ANKRD44: variants seen among roughly 807,000 people sequenced by gnomAD.
The protein encoded by ANKRD44 is ankyrin repeat domain 44.
A neutral mutation model predicts 116.0 loss-of-function variants in ANKRD44; 35 were observed. That is an observed-to-expected ratio of 0.30 (90% CI 0.23 to 0.40). The LOEUF is 0.40. ANKRD44 is among the 10% of genes least tolerant of loss of function. The pLI is 1.00. For missense variants in ANKRD44, 1,014 were observed against 1,242.6 expected (o/e 0.82, Z 2.77); for synonymous variants, 435 against 461.8 (o/e 0.94, Z 0.74).
intron 1 of ANKRD44, among the ~76,000 whole-genome samples, chr2:197,230,627 G>A (rs1158171830): frequency 1.3e-5 from 2 of 152,152 alleles, no homozygotes; most frequent in Non-Finnish European, 2.9e-5. Flanking sequence ...GAGCAGGAGA[G>A]AGTATCTTAA....
chr2:197,136,344 A>C (rs2079215771), intron 4 of ANKRD44: 1 of 527,468 alleles, frequency 1.9e-6, no homozygotes, highest in Non-Finnish European at 3.4e-6. Context: ...CCTCCTCCCC[A>C]GGCTGAGAAC....
chr2:197,132,462 G>A (rs1487883503), intron 4 of ANKRD44, among the ~76,000 whole-genome samples: 1 of 152,158 alleles, frequency 6.6e-6, no homozygotes, highest in Non-Finnish European at 1.5e-5. Flanking sequence ...AACATACTCA[G>A]GAAATGAACT....
At chr2:196,986,284 G>A (rs13431261), downstream of ANKRD44, among the ~76,000 whole-genome samples, 4,926 of 152,106 alleles carry the variant, frequency 0.032, 253 homozygotes, top group African/African-American at 0.11. Flanking sequence ...GCATAGTGGT[G>A]CACATCTGTA....
At chr2:197,082,950 G>T (rs1201097568) in intron 14 of ANKRD44, among the ~76,000 whole-genome samples, 3 of 152,166 alleles carry the variant, frequency 2.0e-5, no homozygotes, top group Admixed American at 6.5e-5. Context: ...TAGTTTACAT[G>T]TACTAATGCT....
intron 1 of ANKRD44, among the ~76,000 whole-genome samples, chr2:197,306,694 G>T (rs1159248126): frequency 6.6e-6 from 1 of 152,126 alleles, no homozygotes; most frequent in Non-Finnish European, 1.5e-5. Flanking sequence ...CACGTCCCAA[G>T]GCCCCACACT....
At chr2:197,143,340 T>C in intron 3 of ANKRD44, among the ~76,000 whole-genome samples, 1 of 108,026 alleles carries the variant, frequency 9.3e-6, no homozygotes, top group African/African-American at 3.6e-5. Context: ...CCTAATGCTA[T>C]CCCTCCCCCC....
In ANKRD44 at chr2:197,102,409, C is replaced by T. The variant is rs538802228; in HGVS notation, c.986-2479G>A. ...TTTGCCAGATTTCTCTCTGTAGGCA[C>T]GGTGCAATTTTACACTCTAACCAGC... On this transcript the variant is annotated intron_variant, in intron 9 of 27. Coordinates refer to ENST00000282272, the MANE Select transcript of ANKRD44 (RefSeq NM_001195144.2). Among the ~76,000 whole-genome samples, 123 of 152,214 alleles carry T rather than the reference C, an allele frequency of 8.1e-4. 1 individual carries two copies. The highest frequency in any genetic ancestry group is 1.4e-3 in the Non-Finnish European group (94 of 68,018).
chr2:197,037,226 T>A (rs1464695978), intron 16 of ANKRD44, among the ~76,000 whole-genome samples: 1 of 152,232 alleles, frequency 6.6e-6, no homozygotes, highest in Non-Finnish European at 1.5e-5. Context: ...CAAATAAACA[T>A]TACTAGAGAA....
At chr2:197,276,275 C>CAAAAAAAAAAAAAAAAAAAAAAAAAAAA (rs11351342) in intron 1 of ANKRD44, among the ~76,000 whole-genome samples, 1 of 108,064 alleles carries the variant, frequency 9.3e-6, no homozygotes, top group African/African-American at 3.7e-5. Context: ...AACTTGGTCT[C>CAAAAAAAAAAAAAAAAAAAAAAAAAAAA]AAAAAAAAAA....
chr2:197,187,374 C>A (rs1327658227), intron 1 of ANKRD44, among the ~76,000 whole-genome samples: 1 of 152,204 alleles, frequency 6.6e-6, no homozygotes. Context: ...ATGAACACCA[C>A]CCATCACTGA....
intron 1 of ANKRD44, among the ~76,000 whole-genome samples, chr2:197,219,059 G>A (rs547576896): frequency 4.8e-5 from 7 of 147,070 alleles, no homozygotes; most frequent in African/African-American, 1.5e-4. Flanking sequence ...CACCATGCCT[G>A]GCTAAAGTTC....
At chr2:197,275,714 G>A (rs1024060642) in intron 1 of ANKRD44, among the ~76,000 whole-genome samples, 9 of 151,596 alleles carry the variant, frequency 5.9e-5, no homozygotes, top group Non-Finnish European at 8.8e-5. Flanking sequence ...GCTTTTGGTC[G>A]TTACAATGAT....
downstream of ANKRD44, among the ~76,000 whole-genome samples, chr2:196,983,575 G>A (rs1411849984): frequency 1.3e-5 from 2 of 152,142 alleles, no homozygotes; most frequent in Non-Finnish European, 2.9e-5. Context: ...TATAAATAAA[G>A]TTCACGAATT....
At position 197,113,499 on chromosome 2, in the gene ANKRD44, T is replaced by G. The variant is rs143031165; in HGVS notation, c.907-2655A>C. Among the ~76,000 whole-genome samples, 439 of 152,344 alleles carry G rather than the reference T, an allele frequency of 2.9e-3. 1 individual carries two copies. Among genetic ancestry groups the G allele is most frequent in the East Asian group, 0.017 (86 of 5,188 alleles). ...TAAATATATCTAAAGCTATAAATACTTCAGCATTTAGAAAATATCTTCACA... is the reference window on the plus strand; with the variant it reads ...TAAATATATCTAAAGCTATAAATACGTCAGCATTTAGAAAATATCTTCACA... On this transcript the variant is annotated intron_variant, in intron 8 of 27. Coordinates refer to ENST00000282272, the MANE Select transcript of ANKRD44 (RefSeq NM_001195144.2).
chr2:196,972,135 A>G (rs188995098), intron 21 of ANKRD44, among the ~76,000 whole-genome samples: 1 of 152,298 alleles, frequency 6.6e-6, no homozygotes, highest in East Asian at 1.9e-4. Flanking sequence ...AGGGTGAGTC[A>G]TGAGCCACAG....
downstream of ANKRD44, among the ~76,000 whole-genome samples, chr2:196,983,003 T>A (rs967797752): frequency 6.6e-6 from 1 of 151,342 alleles, no homozygotes; most frequent in African/African-American, 2.4e-5. Context: ...CAGGGAGGGG[T>A]ATATCACACA....
chr2:196,991,570 T>C (rs2075916779), intron 27 of ANKRD44, among the ~76,000 whole-genome samples: 1 of 152,060 alleles, frequency 6.6e-6, no homozygotes, highest in African/African-American at 2.4e-5. Flanking sequence ...GTACAATCAT[T>C]TAGGAGAAAT....
intron 10 of ANKRD44, among the ~76,000 whole-genome samples, chr2:197,095,951 T>C (rs1024325805): frequency 2.0e-5 from 3 of 152,220 alleles, no homozygotes; most frequent in African/African-American, 7.2e-5. Flanking sequence ...AAGGAGTTCA[T>C]CTAGTTTATG....
rs1261528256 is a variant in ANKRD44, at chr2:197,078,372, C to A, written c.1650+331G>T. On this transcript the variant is annotated intron_variant, in intron 16 of 27. Coordinates refer to ENST00000282272, the MANE Select transcript of ANKRD44 (RefSeq NM_001195144.2). ...GCATTTCTTATATGGGATCTAAACA[C>A]AAAGCCATATTTGCTAATAGGTCTA... is the stretch of plus-strand genomic sequence containing the variant. The A allele has an allele frequency of 3.0e-5, 11 of 372,566 alleles. No homozygotes were observed. The East Asian group carries it at 7.3e-4, about 25-fold the overall frequency. 23.1% of individuals were successfully genotyped at this position (372,566 alleles called of 1,614,324 possible).
Sources: allele counts gnomAD v4.1 joint callset (sites outside exome capture counted in the v4.1 genomes callset), GRCh38; gene constraint gnomAD v4.1.1; transcripts MANE v1.5; gene names NCBI Gene and HGNC (gene_info 2026-07-23, HGNC 2026-07-21).